Variants in ADAMTS3 observed in about 807,000 individuals in gnomAD.
The protein encoded by ADAMTS3 is A disintegrin and metalloproteinase with thrombospondin motifs 3.
ADAMTS3 carries 73 observed loss-of-function variants against 129.0 expected under a neutral mutation model. The observed-to-expected ratio is 0.57, with a 90% CI of 0.47 to 0.69. The LOEUF is 0.69. Among genes scored for constraint, ADAMTS3 ranks in the 30% least tolerant of loss-of-function variants. The pLI is 0.00. For missense variants in ADAMTS3, 1,457 were observed against 1,514.5 expected, an observed-to-expected ratio of 0.96 and a Z score of 0.63; for synonymous variants, 477 against 510.8, an observed-to-expected ratio of 0.93 and a Z score of 0.89.
chr4:72,488,072 A>G (rs952761572), intron 3 of ADAMTS3, among the ~76,000 whole-genome samples: 2 of 152,090 alleles, frequency 1.3e-5, no homozygotes, highest in African/African-American at 2.4e-5. Context: ...GAAAAGTTAC[A>G]CAATCAAGTC....
At chr4:72,399,414 T>G (rs80276187) in intron 4 of ADAMTS3, among the ~76,000 whole-genome samples, 3 of 152,010 alleles carry the variant, frequency 2.0e-5, no homozygotes, top group Admixed American at 2.0e-4. Context: ...GCCTGGGCAA[T>G]AGAACAACAC....
At chr4:72,412,264 T>G (rs550583491) in intron 4 of ADAMTS3, among the ~76,000 whole-genome samples, 1 of 152,188 alleles carries the variant, frequency 6.6e-6, no homozygotes, top group South Asian at 2.1e-4. Flanking sequence ...AAGAAAGACC[T>G]CATATGTTTC....
chr4:72,499,797 C>T (rs1342188011), intron 3 of ADAMTS3, among the ~76,000 whole-genome samples: 1 of 152,030 alleles, frequency 6.6e-6, no homozygotes, highest in East Asian at 1.9e-4. Context: ...TGTAGTGGTC[C>T]CTCGGTGTCC....
At chr4:72,303,796 A>T (rs921625202) in intron 17 of ADAMTS3, 121 bp downstream of exon 17, 3 of 1,008,602 alleles carry the variant, frequency 3.0e-6, no homozygotes, top group Admixed American at 2.5e-5. Flanking sequence ...AATTATTTTA[A>T]AAAGCAACTC....
intron 18 of ADAMTS3, among the ~76,000 whole-genome samples, chr4:72,296,980 G>A (rs1360313367): frequency 6.6e-6 from 1 of 152,056 alleles, no homozygotes; most frequent in Non-Finnish European, 1.5e-5. Flanking sequence ...CTGTTTAACT[G>A]TGTTCTAATG....
At position 72,379,393 on chromosome 4, in the gene ADAMTS3, G is replaced by A. The variant is rs533488715; in HGVS notation, c.661+35422C>T. On this transcript the variant is annotated intron_variant, in intron 4 of 21. Coordinates refer to ENST00000286657, the MANE Select transcript of ADAMTS3 (RefSeq NM_014243.3). Reference sequence around the variant, plus strand: ...TTCACGCGCTGGACTTCCAAGCAGAGAATTTTCCTTTTAACAAATAATTAT... The same window carrying A: ...TTCACGCGCTGGACTTCCAAGCAGAAAATTTTCCTTTTAACAAATAATTAT... 4.1e-5 allele frequency among the ~76,000 whole-genome samples: 6 copies of A among 145,956 alleles called. No homozygotes were observed. In the Admixed American group the frequency reaches 4.2e-4, roughly 10 times the overall value.
chr4:72,502,069 A>G (rs1720040975), intron 3 of ADAMTS3, among the ~76,000 whole-genome samples: 1 of 151,972 alleles, frequency 6.6e-6, no homozygotes, highest in African/African-American at 2.4e-5. Context: ...ATTGGCCTAT[A>G]GTTTTGTTTC....
rs1330468499 is a variant in ADAMTS3 at position 72,529,955 on chromosome 4, A to G, written c.504+18523T>C. 7.9e-4 allele frequency among the ~76,000 whole-genome samples: 15 copies of G among 18,942 alleles called. 3 individuals are homozygous for G. Among genetic ancestry groups the G allele is most frequent in the South Asian group, 3.9e-3 (1 of 256 alleles). 12.4% of individuals were successfully genotyped at this position (18,942 alleles called of 152,430 possible). On this transcript the variant is annotated intron_variant, in intron 3 of 21. Transcript: ENST00000286657. The stretch of plus-strand genomic sequence containing the variant: ...AATATATTATATTTATATATAATAT[A>G]TAATATATTATATTTATATATAAAT...
chr4:72,530,592 A>AT (rs1259421741), intron 3 of ADAMTS3, among the ~76,000 whole-genome samples: 1 of 82,938 alleles, frequency 1.2e-5, no homozygotes, highest in Non-Finnish European at 2.1e-5. Context: ...TTAAATATAT[A>AT]TTAATATTAA....
At chr4:72,310,990 T>C (rs1443629499) in intron 14 of ADAMTS3, 58 bp downstream of exon 14, 7 of 1,452,224 alleles carry the variant, frequency 4.8e-6, no homozygotes, top group South Asian at 1.5e-5. Context: ...AATGTGCAGA[T>C]GAATGACAGT....
At chr4:72,394,153 C>CCCA (rs1371200514) in intron 4 of ADAMTS3, among the ~76,000 whole-genome samples, 1 of 152,128 alleles carries the variant, frequency 6.6e-6, no homozygotes, top group Admixed American at 6.6e-5. Context: ...CCCCAAAAAA[C>CCCA]CCACAGCTGA....
At chr4:72,300,131 A>G (rs778684118) in intron 17 of ADAMTS3, among the ~76,000 whole-genome samples, 5 of 152,046 alleles carry the variant, frequency 3.3e-5, no homozygotes, top group Non-Finnish European at 7.4e-5. Context: ...TTAAAACAGC[A>G]TTAAAAATCA....
intron 5 of ADAMTS3, among the ~76,000 whole-genome samples, chr4:72,326,081 G>A (rs1185168981): frequency 2.0e-5 from 3 of 152,110 alleles, no homozygotes; most frequent in Admixed American, 6.5e-5. Flanking sequence ...ATTATGCCAG[G>A]CTAATTAGAA....
intron 4 of ADAMTS3, among the ~76,000 whole-genome samples, chr4:72,388,947 G>A (rs1464023675): frequency 1.3e-5 from 2 of 152,188 alleles, no homozygotes; most frequent in African/African-American, 4.8e-5. Context: ...CATGTGAAAT[G>A]TTGTCTACTA....
chr4:72,365,038 A>G (rs780246542), intron 4 of ADAMTS3, among the ~76,000 whole-genome samples: 8 of 152,224 alleles, frequency 5.3e-5, no homozygotes, highest in Non-Finnish European at 1.0e-4. Flanking sequence ...TGCATCTGCA[A>G]TGCCTACACA....
chr4:72,550,044 AGGAAG>A lies in ADAMTS3; in HGVS notation c.98-1165_98-1161del, dbSNP rs1560564119. On this transcript the variant is annotated intron_variant, in intron 2 of 21. Coordinates refer to ENST00000286657, the MANE Select transcript of ADAMTS3 (RefSeq NM_014243.3). ...GAAGAAGAAGAAGAAGAAGAAGAAG[AGGAAG>A]AGGAAGAGGAAGAGGAAGAGGAAGA... 1.2e-3 allele frequency among the ~76,000 whole-genome samples: 20 copies of A among 16,126 alleles called. 1 individual carries two copies. Among genetic ancestry groups the A allele is most frequent in the South Asian group, 8.2e-3 (5 of 608 alleles). The allele number at this position is 16,126 out of a possible 152,430, so 10.6% of individuals were successfully genotyped here. A position where few individuals can be genotyped will look rare whatever the true frequency, so the allele number is the denominator to read the frequency against.
At chr4:72,422,691 G>A (rs1722476705) in intron 3 of ADAMTS3, among the ~76,000 whole-genome samples, 2 of 152,004 alleles carry the variant, frequency 1.3e-5, no homozygotes, top group Admixed American at 1.3e-4. Flanking sequence ...CGATCACAAA[G>A]GCCACACTCC....
At chr4:72,463,620 A>G (rs1467075563) in intron 3 of ADAMTS3, among the ~76,000 whole-genome samples, 1 of 151,734 alleles carries the variant, frequency 6.6e-6, no homozygotes, top group Admixed American at 6.6e-5. Context: ...CCACTGCCCA[A>G]AAATAATGGT....
chr4:72,480,067 A>T (rs1183293013), intron 3 of ADAMTS3, among the ~76,000 whole-genome samples: 1 of 152,210 alleles, frequency 6.6e-6, no homozygotes, highest in African/African-American at 2.4e-5. Flanking sequence ...GAGGATGTGG[A>T]GAAATAGGAA....
Sources: allele counts gnomAD v4.1 joint callset (sites outside exome capture counted in the v4.1 genomes callset), GRCh38; gene constraint gnomAD v4.1.1; transcripts MANE v1.5; gene names NCBI Gene and HGNC (gene_info 2026-07-23, HGNC 2026-07-21).